Variants in UPF2 observed in about 807,000 individuals in gnomAD.
UPF2 encodes the protein UPF2 regulator of nonsense mediated mRNA decay.
Under a neutral mutation model 141.4 loss-of-function variants are expected in UPF2, and 17 were observed. The ratio of observed to expected loss-of-function variants is 0.12; its 90% CI spans 0.08 to 0.18. The LOEUF (loss-of-function observed/expected upper bound fraction) is 0.18, where lower values mean the gene tolerates loss of function less well. Ranked by LOEUF, UPF2 falls within the 10% of genes least tolerant of loss-of-function variation. The pLI is 1.00. For missense variants in UPF2, 1,152 were observed against 1,515.9 expected (o/e 0.76, Z 3.99); for synonymous variants, 540 against 498.0 (o/e 1.08, Z -1.12).
chr10:11,959,108 A>G lies in UPF2; in HGVS notation c.2370+63T>C, dbSNP rs1371010525. On this transcript the variant is annotated intron_variant, in intron 12 of 21. Transcript: ENST00000357604. The surrounding 1 kb of genome is among the most constrained non-coding windows in gnomAD (Gnocchi z 5.9). ...TACCCCCACTTCTCCTAGACTCTAC[A>G]TAAGCTTAGCACTACCACAAATCTC... 8 of 1,493,026 alleles carry G rather than the reference A, an allele frequency of 5.4e-6. No homozygotes were observed. The highest frequency in any genetic ancestry group is 1.4e-5 in the South Asian group (1 of 70,328). 92.5% of individuals were successfully genotyped at this position (1,493,026 alleles called of 1,614,324 possible).
chr10:11,929,870 A>G lies in UPF2; in HGVS notation c.3804T>C (p.Gly1268=). The G allele has an allele frequency of 1.2e-6, 2 of 1,614,164 alleles. No individual in the cohort carries two copies. The highest frequency in any genetic ancestry group is 1.7e-6 in the Non-Finnish European group (2 of 1,180,006). ...APNADLIFKT[G]GRRR The stretch of plus-strand genomic sequence containing the variant: ...AGGAGTAATGACTGCTTTACCTCCC[A>G]CCAGTCTTAAAGATTAGATCTGCAT... The change falls in exon 21 of 22, where the codon GGT becomes GGC. Residue 1268 remains glycine (G), a synonymous_variant. Coordinates refer to ENST00000357604, the MANE Select transcript of UPF2 (RefSeq NM_015542.4).
chr10:11,948,227 G>A (rs571244999), intron 16 of UPF2, 142 bp downstream of exon 16: 20 of 835,404 alleles, frequency 2.4e-5, no homozygotes, highest in Middle Eastern at 4.0e-4. Flanking sequence ...CAACTTGGGC[G>A]ACAGAGCAAG....
chr10:11,926,565 C>A (rs1004905971), intron 21 of UPF2, among the ~76,000 whole-genome samples: 4 of 152,168 alleles, frequency 2.6e-5, no homozygotes, highest in African/African-American at 9.7e-5. Flanking sequence ...ATCACAGATG[C>A]CAAGGAAGGG....
At position 12,029,245 on chromosome 10, in the gene UPF2, T is replaced by C. The variant is rs754877151; in HGVS notation, c.645A>G (p.Lys215=). ...GCACAGCACAGTTCACATCAGAGAT[T>C]TTTAGTTTTGCTTCCACGATGGAAG... ...AVASIVEAKL[K]ISDVNCAVHL... The change falls in exon 3 of 22, where the codon AAA becomes AAG. Residue 215 remains lysine, a synonymous_variant. Transcript: ENST00000357604. 1 of 1,614,140 alleles carries C rather than the reference T, an allele frequency of 6.2e-7. No individual in the cohort carries two copies.
At chr10:11,974,285 G>A (rs548557335) in intron 9 of UPF2, among the ~76,000 whole-genome samples, 483 of 152,264 alleles carry the variant, frequency 3.2e-3, no homozygotes, top group Non-Finnish European at 5.9e-3. Flanking sequence ...GGGCTGAGAC[G>A]ATGGGGCTTT....
Position 11,953,392 on chromosome 10 carries a change from T to C in UPF2, c.2851-1143A>G, listed in dbSNP as rs1339566195. 6.6e-6 allele frequency among the ~76,000 whole-genome samples: 1 copy of C among 152,218 alleles called. No homozygotes were observed. Among genetic ancestry groups the C allele is most frequent in the African/African-American group, 2.4e-5 (1 of 41,462 alleles). On this transcript the variant is annotated intron_variant, in intron 14 of 21. Coordinates refer to ENST00000357604, the MANE Select transcript of UPF2 (RefSeq NM_015542.4). This position sits in a 1 kb window ranked among gnomAD's most constrained non-coding sequence, Gnocchi z 5.0. ...TTAAAAGCACTGCTCCAGGGGATCC[T>C]TTCTTCCTGACCTTCTAATACTAAA...
chr10:12,012,449 C>A (rs2131282964), intron 4 of UPF2, among the ~76,000 whole-genome samples: 1 of 152,178 alleles, frequency 6.6e-6, no homozygotes, highest in African/African-American at 2.4e-5. Flanking sequence ...CAGGGTCAAC[C>A]AAAACACAAA....
chr10:11,931,891 C>G lies in UPF2; in HGVS notation c.3547-109G>C. 3.2e-6 allele frequency: 4 copies of G among 1,263,530 alleles called. No homozygotes were observed. The highest frequency in any genetic ancestry group is 4.3e-6 in the Non-Finnish European group (4 of 930,332). The allele number at this position is 1,263,530 out of a possible 1,614,324, so 78.3% of individuals were successfully genotyped here. On this transcript the variant is annotated intron_variant, in intron 19 of 21. Transcript: ENST00000357604. This position sits in a 1 kb window ranked among gnomAD's most constrained non-coding sequence, Gnocchi z 5.9. Reference sequence around the variant, plus strand: ...ACAGGCTGGGCACGGTGGCTCACGCCTGTAATCCCAGCACTTTGGGAGGCC... The same window carrying G: ...ACAGGCTGGGCACGGTGGCTCACGCGTGTAATCCCAGCACTTTGGGAGGCC...
At position 11,988,829 on chromosome 10, in the gene UPF2, T is replaced by C. The variant is rs148063520; in HGVS notation, c.1844+8843A>G. Among the ~76,000 whole-genome samples the C allele has an allele frequency of 1.5e-3, 234 of 152,276 alleles. 1 individual carries two copies. The highest frequency in any genetic ancestry group is 5.2e-3 in the African/African-American group (216 of 41,562). The stretch of plus-strand genomic sequence containing the variant: ...AACTCTCTTTACTCCCCTTATCTCC[T>C]CGCTTGAGGGCTATCAGACATCACT... On this transcript the variant is annotated intron_variant, in intron 8 of 21. Transcript: ENST00000357604.
intron 4 of UPF2, among the ~76,000 whole-genome samples, chr10:12,006,400 C>T (rs1327430643): frequency 1.3e-5 from 2 of 152,170 alleles, no homozygotes; most frequent in African/African-American, 4.8e-5. Context: ...CTCTCACATA[C>T]TTCTCTCCAA....
intron 3 of UPF2, among the ~76,000 whole-genome samples, chr10:12,027,134 A>G (rs921181957): frequency 1.2e-4 from 19 of 152,252 alleles, no homozygotes; most frequent in African/African-American, 3.6e-4. Flanking sequence ...CTGATGTAAC[A>G]AAGAATTCCT....
chr10:11,958,403 T>C (rs1269220384), intron 12 of UPF2, among the ~76,000 whole-genome samples: 1 of 152,214 alleles, frequency 6.6e-6, no homozygotes, highest in Non-Finnish European at 1.5e-5. Context: ...GATTCTGACA[T>C]TTCCAACGAA....
chr10:12,030,461 G>A (rs960834700), intron 2 of UPF2, among the ~76,000 whole-genome samples: 1 of 151,914 alleles, frequency 6.6e-6, no homozygotes, highest in African/African-American at 2.4e-5. Flanking sequence ...TTAAACCTGG[G>A]AGTCGGAGAC....
At chr10:12,028,657 A>G in intron 3 of UPF2, 88 bp downstream of exon 3, 1 of 1,380,990 alleles carries the variant, frequency 7.2e-7, no homozygotes, top group South Asian at 1.5e-5. Context: ...CTTTTCCATA[A>G]GTTCTTTCAG....
At chr10:12,021,379 A>AAAAAAT (rs112914825) in intron 3 of UPF2, among the ~76,000 whole-genome samples, 32 of 147,254 alleles carry the variant, frequency 2.2e-4, no homozygotes, top group Middle Eastern at 3.4e-3. Flanking sequence ...AAAAAAAAAA[A>AAAAAAT]TTTTTTTAAA....
chr10:11,959,372 C>T lies in UPF2; in HGVS notation c.2185-16G>A, dbSNP rs1372254766. 6.5e-7 allele frequency: 1 copy of T among 1,546,324 alleles called. No homozygotes were observed. The highest frequency in any genetic ancestry group is 8.7e-7 in the Non-Finnish European group (1 of 1,152,126). On this transcript the variant is annotated splice_polypyrimidine_tract_variant and intron_variant, in intron 11 of 21. Coordinates refer to ENST00000357604, the MANE Select transcript of UPF2 (RefSeq NM_015542.4). This position sits in a 1 kb window ranked among gnomAD's most constrained non-coding sequence, Gnocchi z 5.9. ...TCATTTGCTCCTGAAATAAAAAGTCCAAATTAATCAAAACACGTTCCTTCT... is the reference window on the plus strand; with the variant it reads ...TCATTTGCTCCTGAAATAAAAAGTCTAAATTAATCAAAACACGTTCCTTCT...
At chr10:12,011,263 TACAGGC>T (rs1443361896) in intron 4 of UPF2, among the ~76,000 whole-genome samples, 1 of 152,252 alleles carries the variant, frequency 6.6e-6, no homozygotes, top group Non-Finnish European at 1.5e-5. Context: ...GCCCTGGTAT[TACAGGC>T]ATAAGCCATC....
chr10:11,995,540 T>C (rs1302143663), intron 8 of UPF2, among the ~76,000 whole-genome samples: 1 of 152,032 alleles, frequency 6.6e-6, no homozygotes, highest in Non-Finnish European at 1.5e-5. Flanking sequence ...ATCCCAGCAC[T>C]TTGGGAGGCT....
intron 11 of UPF2, among the ~76,000 whole-genome samples, chr10:11,962,112 C>CA (rs1238766933): frequency 6.6e-6 from 1 of 152,210 alleles, no homozygotes; most frequent in African/African-American, 2.4e-5. Context: ...CACTCGTACA[C>CA]AGATAATCCA....
Sources: allele counts gnomAD v4.1 joint callset (sites outside exome capture counted in the v4.1 genomes callset), GRCh38; gene constraint gnomAD v4.1.1; non-coding constraint Gnocchi (gnomAD v3.1); transcripts MANE v1.5; gene names NCBI Gene and HGNC (gene_info 2026-07-23, HGNC 2026-07-21).